Variants in SDK1 observed in about 807,000 individuals in gnomAD.
The protein encoded by SDK1 is sidekick cell adhesion molecule 1.
A neutral mutation model predicts 245.5 loss-of-function variants in SDK1; 157 were observed. The observed-to-expected ratio is 0.64, with a 90% CI of 0.56 to 0.73. SDK1 has a LOEUF of 0.73. Among genes scored for constraint, SDK1 ranks in the 30% least tolerant of loss-of-function variants. The pLI is 0.00. For missense variants in SDK1, 3,583 were observed against 3,002.3 expected (o/e 1.19, Z -4.52); for synonymous variants, 1,647 against 1,278.5 (o/e 1.29, Z -6.15).
chr7:3,465,560 C>T (rs1780972612), intron 1 of SDK1, among the ~76,000 whole-genome samples: 1 of 152,114 alleles, frequency 6.6e-6, no homozygotes, highest in African/African-American at 2.4e-5. Flanking sequence ...GCTCTCATTG[C>T]TAGGTTCATA....
chr7:4,139,032 G>A (rs921458317), intron 28 of SDK1, among the ~76,000 whole-genome samples: 4 of 152,230 alleles, frequency 2.6e-5, no homozygotes, highest in Non-Finnish European at 5.9e-5. Flanking sequence ...GAGAGGCAGT[G>A]GGCGCACACT....
chr7:4,025,024 A>G (rs1787226233), intron 17 of SDK1, among the ~76,000 whole-genome samples: 1 of 108,898 alleles, frequency 9.2e-6, no homozygotes, highest in Admixed American at 9.0e-5. Context: ...ATTCACACAC[A>G]CACACACACA....
intron 1 of SDK1, among the ~76,000 whole-genome samples, chr7:3,361,113 C>T (rs1399290039): frequency 1.3e-5 from 2 of 152,088 alleles, no homozygotes; most frequent in African/African-American, 4.8e-5. Context: ...ATACTAAATT[C>T]CTAGAAAAAA....
intron 5 of SDK1, among the ~76,000 whole-genome samples, chr7:3,890,663 C>T (rs889127797): frequency 4.0e-5 from 6 of 150,938 alleles, no homozygotes; most frequent in East Asian, 1.9e-4. Flanking sequence ...AAAAAAGTAG[C>T]GGGTGTGGTA....
intron 5 of SDK1, among the ~76,000 whole-genome samples, chr7:3,824,759 A>T (rs1287906731): frequency 6.6e-6 from 1 of 152,206 alleles, no homozygotes; most frequent in East Asian, 1.9e-4. Context: ...AGCAAAAGAT[A>T]GATAGGTTTT....
At chr7:3,492,411 G>A (rs559962228) in intron 1 of SDK1, among the ~76,000 whole-genome samples, 40 of 152,318 alleles carry the variant, frequency 2.6e-4, no homozygotes, top group East Asian at 5.8e-4. Context: ...GGAGAATGGC[G>A]TGAACCGGCA....
chr7:3,623,472 C>T (rs1228353926), intron 2 of SDK1, among the ~76,000 whole-genome samples: 2 of 151,994 alleles, frequency 1.3e-5, no homozygotes, highest in East Asian at 1.9e-4. Flanking sequence ...CACTCCTGAC[C>T]TCAAGTGATC....
At chr7:3,810,337 CT>C (rs146388888) in intron 4 of SDK1, among the ~76,000 whole-genome samples, 58 of 149,264 alleles carry the variant, frequency 3.9e-4, no homozygotes, top group African/African-American at 1.1e-3. Flanking sequence ...AATCATGTTT[CT>C]TTTTTTTTTC....
At chr7:4,050,475 TGTCA>T (rs1789368407) in intron 18 of SDK1, among the ~76,000 whole-genome samples, 1 of 152,256 alleles carries the variant, frequency 6.6e-6, no homozygotes, top group Admixed American at 6.5e-5. Flanking sequence ...ATGACTTCGC[TGTCA>T]GTTTGATCTG....
At chr7:3,783,234 G>T (rs780401476) in intron 4 of SDK1, among the ~76,000 whole-genome samples, 1 of 152,204 alleles carries the variant, frequency 6.6e-6, no homozygotes, top group African/African-American at 2.4e-5. Context: ...CAAAGGCCGT[G>T]TGAGAGAATC....
At chr7:3,804,173 A>G (rs920321334) in intron 4 of SDK1, among the ~76,000 whole-genome samples, 2 of 152,202 alleles carry the variant, frequency 1.3e-5, no homozygotes, top group African/African-American at 4.8e-5. Context: ...GTCATATCTA[A>G]GAACTCTGCA....
At chr7:3,848,844 G>A (rs1780347086) in intron 5 of SDK1, among the ~76,000 whole-genome samples, 1 of 151,986 alleles carries the variant, frequency 6.6e-6, no homozygotes, top group African/African-American at 2.4e-5. Flanking sequence ...GCAAATTTTT[G>A]TATTTTTAGT....
chr7:3,554,363 A>C (rs1231274283), intron 1 of SDK1, among the ~76,000 whole-genome samples: 5 of 152,232 alleles, frequency 3.3e-5, no homozygotes, highest in African/African-American at 1.2e-4. Context: ...TTTAAAGATC[A>C]AGTTTTAAAG....
chr7:3,865,149 C>G (rs548259653), intron 5 of SDK1, among the ~76,000 whole-genome samples: 7 of 152,102 alleles, frequency 4.6e-5, no homozygotes, highest in African/African-American at 1.7e-4. Context: ...AAGTGATGAA[C>G]GTCCACAGAG....
At chr7:3,845,407 T>C (rs1163620897) in intron 5 of SDK1, among the ~76,000 whole-genome samples, 4 of 149,228 alleles carry the variant, frequency 2.7e-5, no homozygotes, top group Non-Finnish European at 5.9e-5. Flanking sequence ...GGAGAATCGC[T>C]TGAACCCGGG....
chr7:3,696,399 A>G (rs1176144004), intron 4 of SDK1, among the ~76,000 whole-genome samples: 3 of 152,110 alleles, frequency 2.0e-5, no homozygotes, highest in African/African-American at 7.2e-5. Context: ...GTGGCAAGGA[A>G]TGATTGATTG....
intron 5 of SDK1, among the ~76,000 whole-genome samples, chr7:3,844,984 C>T (rs1024929692): frequency 2.0e-5 from 3 of 152,170 alleles, no homozygotes; most frequent in African/African-American, 7.2e-5. Context: ...CATCTGTCAT[C>T]ACACAAGAGA....
At chr7:3,364,073 G>A (rs1781023596) in intron 1 of SDK1, among the ~76,000 whole-genome samples, 1 of 151,986 alleles carries the variant, frequency 6.6e-6, no homozygotes, top group Non-Finnish European at 1.5e-5. Context: ...TCATGTGCTT[G>A]TTTGTCATCT....
chr7:3,714,965 G>C (rs117509375), intron 4 of SDK1, among the ~76,000 whole-genome samples: 1 of 152,278 alleles, frequency 6.6e-6, no homozygotes, highest in Non-Finnish European at 1.5e-5. Context: ...ATTTTAAGTT[G>C]TGATTCAATA....
Sources: allele counts gnomAD v4.1 joint callset (sites outside exome capture counted in the v4.1 genomes callset), GRCh38; gene constraint gnomAD v4.1.1; transcripts MANE v1.5; gene names NCBI Gene and HGNC (gene_info 2026-07-23, HGNC 2026-07-21).